GAREM1: variants seen among roughly 807,000 people sequenced by gnomAD.
GAREM1 encodes the protein GRB2 associated regulator of MAPK1 subtype 1, also known as GRB2-associated and regulator of MAPK protein 1.
Under a neutral mutation model 71.3 loss-of-function variants are expected in GAREM1, and 26 were observed. That is an observed-to-expected ratio of 0.36 (90% confidence interval 0.27 to 0.51). The LOEUF (loss-of-function observed/expected upper bound fraction) is 0.51, where lower values mean the gene tolerates loss of function less well. Ranked by LOEUF, GAREM1 falls within the 20% of genes least tolerant of loss-of-function variation. The pLI is 0.95. For synonymous variants in GAREM1, 440 were observed against 433.2 expected (o/e 1.02, Z -0.20); for missense variants, 1,026 against 1,103.1 (o/e 0.93, Z 0.99).
chr18:32,286,725 C>T (rs1274356665), intron 4 of GAREM1, among the ~76,000 whole-genome samples: 1 of 152,106 alleles, frequency 6.6e-6, no homozygotes, highest in Non-Finnish European at 1.5e-5. Context: ...TTAATGCAGT[C>T]GCCTCTTCTC....
At position 32,412,590 on chromosome 18, in the gene GAREM1, C is replaced by T. The variant is rs1016443332; in HGVS notation, c.122-19555G>A. 1.4e-5 allele frequency: 22 copies of T among 1,539,944 alleles called. No individual in the cohort carries two copies. The African/African-American group carries it at 1.9e-4, about 13-fold the overall frequency. The stretch of plus-strand genomic sequence containing the variant: ...ACCACCAAAGTTTCCAGAACCACTT[C>T]GACCTCTTTGGCTGGATGAAGCACT... On this transcript the variant is annotated intron_variant, in intron 1 of 5. Transcript: ENST00000269209.
Position 32,267,713 on chromosome 18 carries a change from GT to G in GAREM1, c.*157del. 1 of 611,656 alleles carries G rather than the reference GT, an allele frequency of 1.6e-6. No homozygotes were observed. Among genetic ancestry groups the G allele is most frequent in the South Asian group, 2.1e-5 (1 of 46,604 alleles). 37.9% of individuals were successfully genotyped at this position (611,656 alleles called of 1,614,324 possible). The stretch of plus-strand genomic sequence containing the variant: ...TTTTTATTGATGTACAAAATAGCCT[GT>G]TCACCATTCAAAAACGTAATCTGCA... On this transcript the variant is annotated 3_prime_UTR_variant, in exon 6 of 6. Transcript: ENST00000269209.
At chr18:32,327,606 T>C (rs2047486395) in intron 2 of GAREM1, among the ~76,000 whole-genome samples, 1 of 152,256 alleles carries the variant, frequency 6.6e-6, no homozygotes, top group Non-Finnish European at 1.5e-5. Context: ...GGATTATGTT[T>C]ACAATTTTAT....
chr18:32,465,148 T>C (rs1385157806), intron 1 of GAREM1, among the ~76,000 whole-genome samples: 1 of 152,062 alleles, frequency 6.6e-6, no homozygotes, highest in Non-Finnish European at 1.5e-5. Context: ...ACCCTGGCCA[T>C]GTGTACTCTC....
At chr18:32,283,472 G>A (rs1342460589) in intron 4 of GAREM1, among the ~76,000 whole-genome samples, 1 of 152,118 alleles carries the variant, frequency 6.6e-6, no homozygotes. Flanking sequence ...ACTTGAACCC[G>A]GGAGACGGAG....
intron 1 of GAREM1, among the ~76,000 whole-genome samples, chr18:32,456,936 A>G (rs548471967): frequency 6.6e-6 from 1 of 152,252 alleles, no homozygotes; most frequent in Non-Finnish European, 1.5e-5. Context: ...TATTTGTCAT[A>G]TAATCCCATT....
intron 1 of GAREM1, 145 bp from the exon 2 acceptor site, chr18:32,393,180 GTTTTT>G (rs10708225): frequency 1.1e-5 from 5 of 451,626 alleles, no homozygotes; most frequent in Admixed American, 4.0e-5. Flanking sequence ...CCTCTGAATT[GTTTTT>G]TTTTTTTTTT....
intron 2 of GAREM1, among the ~76,000 whole-genome samples, chr18:32,360,700 A>G (rs903685428): frequency 3.3e-5 from 5 of 152,278 alleles, no homozygotes; most frequent in Admixed American, 1.3e-4. Flanking sequence ...CTGGCATGTC[A>G]TCCTCACTAT....
intron 1 of GAREM1, among the ~76,000 whole-genome samples, chr18:32,393,528 T>C (rs537128747): frequency 2.6e-5 from 4 of 152,296 alleles, no homozygotes; most frequent in African/African-American, 4.8e-5. Flanking sequence ...CTAGGTCAGA[T>C]AGATTGAAAG....
chr18:32,442,267 T>C (rs544283070), intron 1 of GAREM1, among the ~76,000 whole-genome samples: 20 of 152,226 alleles, frequency 1.3e-4, no homozygotes, highest in African/African-American at 3.1e-4. Context: ...CTCAGCTATT[T>C]ATAGCAAATT....
At chr18:32,349,324 C>A (rs532748591) in intron 2 of GAREM1, among the ~76,000 whole-genome samples, 1 of 152,270 alleles carries the variant, frequency 6.6e-6, no homozygotes, top group Non-Finnish European at 1.5e-5. Flanking sequence ...TTCAACTACT[C>A]CCTTCAATCA....
chr18:32,355,639 T>G (rs542242908), intron 2 of GAREM1, among the ~76,000 whole-genome samples: 1 of 152,344 alleles, frequency 6.6e-6, no homozygotes, highest in South Asian at 2.1e-4. Context: ...AGTCTGCTGT[T>G]TATAAATACG....
chr18:32,378,342 A>G lies in GAREM1; in HGVS notation c.262+14553T>C, dbSNP rs187023997. Reference sequence around the variant, plus strand: ...TGGTGAAATCCCATCTCCATTAAAAATACAAAAATTAACCAAGCATGGTGG... The same window carrying G: ...TGGTGAAATCCCATCTCCATTAAAAGTACAAAAATTAACCAAGCATGGTGG... On this transcript the variant is annotated intron_variant, in intron 2 of 5. Coordinates refer to ENST00000269209, the MANE Select transcript of GAREM1 (RefSeq NM_001242409.2). Among the ~76,000 whole-genome samples, 432 of 152,106 alleles carry G rather than the reference A, an allele frequency of 2.8e-3. 4 individuals are homozygous for G. In the Middle Eastern group the frequency reaches 0.048, roughly 17 times the overall value.
chr18:32,401,272 A>G (rs973458341), intron 1 of GAREM1, among the ~76,000 whole-genome samples: 1 of 152,092 alleles, frequency 6.6e-6, no homozygotes, highest in African/African-American at 2.4e-5. Flanking sequence ...ACATGTATAC[A>G]TATGTAACAA....
At chr18:32,351,044 T>C (rs186913984) in intron 2 of GAREM1, among the ~76,000 whole-genome samples, 2 of 152,298 alleles carry the variant, frequency 1.3e-5, no homozygotes, top group Admixed American at 6.5e-5. Context: ...AGTCCTTTGG[T>C]TGAACTTCTG....
chr18:32,417,531 T>C (rs2048476830), intron 1 of GAREM1, among the ~76,000 whole-genome samples: 1 of 152,170 alleles, frequency 6.6e-6, no homozygotes, highest in Non-Finnish European at 1.5e-5. Context: ...TGGAGTACTA[T>C]TCAGCCATAA....
chr18:32,406,484 C>T (rs1374372889), intron 1 of GAREM1, among the ~76,000 whole-genome samples: 1 of 152,022 alleles, frequency 6.6e-6, no homozygotes, highest in East Asian at 1.9e-4. Context: ...AGTAAAGAAA[C>T]GGTGTGTGGT....
At position 32,296,623 on chromosome 18, in the gene GAREM1, G is replaced by T. The variant is rs574259001; in HGVS notation, c.394-8420C>A. The stretch of plus-strand genomic sequence containing the variant: ...CTAAACATCATTTATAAATGACAGT[G>T]CTTGACACATACAAGGGCTTTCTTT... On this transcript the variant is annotated intron_variant, in intron 3 of 5. Transcript: ENST00000269209. 1.3e-3 allele frequency among the ~76,000 whole-genome samples: 200 copies of T among 151,878 alleles called. 1 individual carries two copies. The highest frequency in any genetic ancestry group is 2.5e-3 in the Non-Finnish European group (169 of 67,966).
At chr18:32,462,941 T>C (rs957426151) in intron 1 of GAREM1, among the ~76,000 whole-genome samples, 1 of 152,044 alleles carries the variant, frequency 6.6e-6, no homozygotes, top group Non-Finnish European at 1.5e-5. Context: ...GCGGGGCAAC[T>C]GGGGGAGGTT....
Sources: gnomAD v4.1 joint callset for allele counts (sites outside exome capture counted in the v4.1 genomes callset) on GRCh38, gnomAD v4.1.1 for gene constraint, MANE v1.5 for transcripts, NCBI Gene and HGNC (gene_info 2026-07-23, HGNC 2026-07-21) for gene names.